CHAC1: variants seen among roughly 807,000 people sequenced by gnomAD.
The protein encoded by CHAC1 is glutathione-specific gamma-glutamylcyclotransferase 1.
In CHAC1, 22 loss-of-function variants were observed where a neutral mutation model predicts 22.1. That is an observed-to-expected ratio of 1.00 (90% CI 0.71 to 1.42). CHAC1 has a LOEUF of 1.42. CHAC1 is among the 40% of genes most tolerant of loss of function. CHAC1 has a pLI of 0.00. For missense variants in CHAC1, 272 were observed against 299.2 expected (o/e 0.91, Z 0.67); for synonymous variants, 145 against 128.7 (o/e 1.13, Z -0.86).
chr15:40,956,093 C>A lies in CHAC1; in HGVS notation c.*319C>A. 3.4e-6 allele frequency: 1 copy of A among 294,386 alleles called. No homozygotes were observed. The highest frequency in any genetic ancestry group is 6.4e-6 in the Non-Finnish European group (1 of 156,750). The allele number at this position is 294,386 out of a possible 1,614,324, so 18.2% of individuals were successfully genotyped here. A position where few individuals can be genotyped will look rare whatever the true frequency, so the allele number is the denominator to read the frequency against. On this transcript the variant is annotated 3_prime_UTR_variant, in exon 3 of 3. Coordinates refer to ENST00000617768, the MANE Select transcript of CHAC1 (RefSeq NM_024111.6). ...TTCCCCCCAGTGCTGCTGCTAACCC[C>A]ACACCACCCAGGCCTCCACCTCCCC...
chr15:40,953,848 G>C, intron 1 of CHAC1, 34 bp downstream of exon 1: 3 of 1,514,078 alleles, frequency 2.0e-6, no homozygotes, highest in Non-Finnish European at 2.7e-6. Flanking sequence ...GGAGTGAGGG[G>C]GTTGGGGGCG....
Position 40,953,485 on chromosome 15 carries a change from A to G in CHAC1, c.-99A>G. 1 of 1,523,946 alleles carries G rather than the reference A, an allele frequency of 6.6e-7. No homozygotes were observed. The highest frequency in any genetic ancestry group is 8.8e-7 in the Non-Finnish European group (1 of 1,138,380). 94.4% of individuals were successfully genotyped at this position (1,523,946 alleles called of 1,614,324 possible). On this transcript the variant is annotated 5_prime_UTR_variant, in exon 1 of 3. Coordinates refer to ENST00000617768, the MANE Select transcript of CHAC1 (RefSeq NM_024111.6). ...GGGGGGCGCTCAGCTGGAGCTACCG[A>G]GCGGTGCCAGGCCAGGTGTGTGCGT...
Position 40,953,509 on chromosome 15 carries a change from G to T in CHAC1, c.-75G>T, listed in dbSNP as rs759275846. 3.8e-6 allele frequency: 6 copies of T among 1,593,736 alleles called. No homozygotes were observed. Among genetic ancestry groups the T allele is most frequent in the Non-Finnish European group, 5.1e-6 (6 of 1,173,354 alleles). On this transcript the variant is annotated 5_prime_UTR_variant, in exon 1 of 3. Coordinates refer to ENST00000617768, the MANE Select transcript of CHAC1 (RefSeq NM_024111.6). Reference sequence around the variant, plus strand: ...GAGCGGTGCCAGGCCAGGTGTGTGCGTCCGTCGGTCTTTCCGTGCCCACGC... The same window carrying T: ...GAGCGGTGCCAGGCCAGGTGTGTGCTTCCGTCGGTCTTTCCGTGCCCACGC...
chr15:40,953,844 A>T, intron 1 of CHAC1, 30 bp downstream of exon 1: 3 of 1,516,432 alleles, frequency 2.0e-6, no homozygotes, highest in East Asian at 2.3e-5. Flanking sequence ...CAGGGGAGTG[A>T]GGGGGTTGGG....
At chr15:40,953,893 G>T in intron 1 of CHAC1, 79 bp downstream of exon 1, 2 of 1,105,758 alleles carry the variant, frequency 1.8e-6, no homozygotes, top group Non-Finnish European at 2.6e-6. Context: ...AATGTCCGGG[G>T]CTCTCTGGGC....
Position 40,955,533 on chromosome 15 carries a change from A to G in CHAC1, c.428A>G (p.Tyr143Cys). 3 of 1,614,188 alleles carry G rather than the reference A, an allele frequency of 1.9e-6. No homozygotes were observed. The highest frequency in any genetic ancestry group is 2.5e-6 in the Non-Finnish European group (3 of 1,180,042). The change falls in exon 3 of 3, where the codon TAT becomes TGT. Residue 143 changes from tyrosine (Y) to cysteine (C), a missense_variant. Coordinates refer to ENST00000617768, the MANE Select transcript of CHAC1 (RefSeq NM_024111.6). ...GACCAACCACTGAAGGCATTGGCCT[A>G]TGTGGCCACCCCACAGAACCCTGGT... ...APDQPLKALA[Y>C]VATPQNPGYL... is the part of the protein sequence containing the mutation.
intron 2 of CHAC1, 135 bp downstream of exon 2, chr15:40,954,398 G>A: frequency 1.1e-6 from 1 of 883,208 alleles, no homozygotes; most frequent in Non-Finnish European, 1.8e-6. Flanking sequence ...TTCTAGCTCA[G>A]TGCTTCTCAC....
At chr15:40,955,284 A>G (rs1893213379) in intron 2 of CHAC1, 89 bp from the exon 3 acceptor site, 2 of 1,428,380 alleles carry the variant, frequency 1.4e-6, no homozygotes, top group Non-Finnish European at 1.9e-6. Flanking sequence ...TATAGAGCAC[A>G]GTCCTGGGTG....
At position 40,953,570 on chromosome 15, in the gene CHAC1, C is replaced by T; in HGVS notation, c.-14C>T. The T allele has an allele frequency of 6.2e-7, 1 of 1,609,738 alleles. No homozygotes were observed. On this transcript the variant is annotated 5_prime_UTR_variant, in exon 1 of 3. Coordinates refer to ENST00000617768, the MANE Select transcript of CHAC1 (RefSeq NM_024111.6). ...CCCCGGAGGCCGCCTGGGCCTATCC[C>T]TGTGCCAGGCACCATGAAGCAGGAG...
chr15:40,953,890 G>T, intron 1 of CHAC1, 76 bp downstream of exon 1: 1 of 1,103,876 alleles, frequency 9.1e-7, no homozygotes, highest in South Asian at 1.5e-5. Flanking sequence ...TGGAATGTCC[G>T]GGGCTCTCTG....
At chr15:40,953,893 GCT>G in intron 1 of CHAC1, 79 bp downstream of exon 1, 1 of 1,105,758 alleles carries the variant, frequency 9.0e-7, no homozygotes, top group Non-Finnish European at 1.3e-6. Context: ...AATGTCCGGG[GCT>G]CTCTGGGCCA....
chr15:40,954,025 C>A (rs1893171582), intron 1 of CHAC1, among the ~76,000 whole-genome samples: 1 of 61,700 alleles, frequency 1.6e-5, no homozygotes. Flanking sequence ...TGATCACCAA[C>A]TGGGACCACT....
At chr15:40,954,348 C>T in intron 2 of CHAC1, 85 bp downstream of exon 2, 1 of 1,366,362 alleles carries the variant, frequency 7.3e-7, no homozygotes, top group Non-Finnish European at 1.0e-6. Context: ...TGGCTGCAGG[C>T]TAGCTCTGTC....
chr15:40,953,488 G>C lies in CHAC1; in HGVS notation c.-96G>C, dbSNP rs562894735. 2 of 1,527,552 alleles carry C rather than the reference G, an allele frequency of 1.3e-6. No individual in the cohort carries two copies. The highest frequency in any genetic ancestry group is 1.8e-6 in the Non-Finnish European group (2 of 1,140,110). The allele number at this position is 1,527,552 out of a possible 1,614,324, so 94.6% of individuals were successfully genotyped here. ...GGGCGCTCAGCTGGAGCTACCGAGCGGTGCCAGGCCAGGTGTGTGCGTCCG... is the reference window on the plus strand; with the variant it reads ...GGGCGCTCAGCTGGAGCTACCGAGCCGTGCCAGGCCAGGTGTGTGCGTCCG... On this transcript the variant is annotated 5_prime_UTR_variant, in exon 1 of 3. Coordinates refer to ENST00000617768, the MANE Select transcript of CHAC1 (RefSeq NM_024111.6).
chr15:40,954,061 CTCCTACA>C, intron 1 of CHAC1, 160 bp from the exon 2 acceptor site: 1 of 736,156 alleles, frequency 1.4e-6, no homozygotes, highest in Non-Finnish European at 2.3e-6. Flanking sequence ...CTGGACGTTT[CTCCTACA>C]TCCGTGCATC....
chr15:40,955,738 C>A lies in CHAC1; in HGVS notation c.633C>A (p.Cys211Ter). 1.2e-6 allele frequency: 2 copies of A among 1,601,194 alleles called. No homozygotes were observed. Among genetic ancestry groups the A allele is most frequent in the African/African-American group, 2.7e-5 (2 of 75,048 alleles). ...IVDAVGTMLP[C>*]FCPTEQALAL... ...ACGCTGTGGGCACCATGTTGCCCTG[C>A]TTCTGCCCCACCGAGCAGGCTCTGG... Residue 211 changes from cysteine (C) to a stop codon, truncating the protein, a stop_gained, in exon 3 of 3, where the codon TGC (cysteine) becomes TGA (stop). Transcript: ENST00000617768. LOFTEE classifies it high-confidence loss of function.
At chr15:40,955,038 G>A (rs1038593334) in intron 2 of CHAC1, among the ~76,000 whole-genome samples, 6 of 151,612 alleles carry the variant, frequency 4.0e-5, no homozygotes, top group Admixed American at 6.6e-5. Context: ...GGTTACAGGC[G>A]TACGCCACCA....
chr15:40,955,299 TG>T, intron 2 of CHAC1, 73 bp from the exon 3 acceptor site: 2 of 1,520,282 alleles, frequency 1.3e-6, no homozygotes, highest in Non-Finnish European at 1.8e-6. Flanking sequence ...TGGGTGGGGG[TG>T]GCATGTTAGG....
chr15:40,954,122 G>T, intron 1 of CHAC1, 106 bp from the exon 2 acceptor site: 1 of 1,174,576 alleles, frequency 8.5e-7, no homozygotes, highest in African/African-American at 1.5e-5. Context: ...AGCATGCAGA[G>T]TGGGGCACTT....
Sources: allele counts gnomAD v4.1 joint callset (sites outside exome capture counted in the v4.1 genomes callset), GRCh38; gene constraint gnomAD v4.1.1; transcripts MANE v1.5; gene names NCBI Gene and HGNC (gene_info 2026-07-23, HGNC 2026-07-21).